Variants in ZG16B observed in about 807,000 individuals in gnomAD.
The protein encoded by ZG16B is zymogen granule protein 16B.
In ZG16B, 8 loss-of-function variants were observed where a neutral mutation model predicts 7.0. That is an observed-to-expected ratio of 1.15 (90% CI 0.68 to 2.08). The LOEUF (loss-of-function observed/expected upper bound fraction) is 2.08. Among genes scored for constraint, ZG16B ranks in the 30% most tolerant of loss-of-function variants. ZG16B has a pLI of 0.00. For missense variants in ZG16B, 232 were observed against 211.0 expected, an observed-to-expected ratio of 1.10 and a Z score of -0.62; for synonymous variants, 92 against 86.1, an observed-to-expected ratio of 1.07 and a Z score of -0.38.
At position 2,830,679 on chromosome 16, in the gene ZG16B, C is replaced by A; in HGVS notation, c.53-15C>A. 6.2e-7 allele frequency: 1 copy of A among 1,614,008 alleles called. No individual in the cohort carries two copies. The highest frequency in any genetic ancestry group is 1.1e-5 in the South Asian group (1 of 91,052). ...CATGGGGATTTTCTTCCCTTTGGGT[C>A]TCTCTTTTCTTCAGAGATGTATGGC... On this transcript the variant is annotated splice_polypyrimidine_tract_variant and intron_variant, in intron 2 of 3. Transcript: ENST00000382280.
Position 2,830,504 on chromosome 16 carries a change from G to C in ZG16B, c.52+11G>C. On this transcript the variant is annotated intron_variant, in intron 2 of 3. Coordinates refer to ENST00000382280, the MANE Select transcript of ZG16B (RefSeq NM_145252.3). The stretch of plus-strand genomic sequence containing the variant: ...CCACCTGGGCAGGGAGTAAGTCAGT[G>C]GGGTCTGCCCTCAATCTCCCCTGCC... 6.3e-7 allele frequency: 1 copy of C among 1,596,128 alleles called. No homozygotes were observed. Among genetic ancestry groups the C allele is most frequent in the Non-Finnish European group, 8.5e-7 (1 of 1,171,424 alleles).
rs2069250557 is a variant in ZG16B, at chr16:2,830,810, T to C, written c.155+14T>C. Reference sequence around the variant, plus strand: ...CCTGGTGAAAAGGTGAGTAGGGCTATGGTCATGGGCCCAGCGCCATGTCCC... The same window carrying C: ...CCTGGTGAAAAGGTGAGTAGGGCTACGGTCATGGGCCCAGCGCCATGTCCC... On this transcript the variant is annotated intron_variant, in intron 3 of 3. Transcript: ENST00000382280. 1 of 1,613,314 alleles carries C rather than the reference T, an allele frequency of 6.2e-7. No individual in the cohort carries two copies.
chr16:2,831,511 G>A (rs988607798), intron 3 of ZG16B, among the ~76,000 whole-genome samples: 5 of 152,214 alleles, frequency 3.3e-5, no homozygotes, highest in Non-Finnish European at 5.9e-5. Flanking sequence ...GAGACCTGGC[G>A]CTGCACGCAG....
intron 3 of ZG16B, 121 bp from the exon 4 acceptor site, chr16:2,831,675 G>A: frequency 2.8e-6 from 4 of 1,440,288 alleles, no homozygotes; most frequent in Non-Finnish European, 3.7e-6. Context: ...CTGTGTCAGG[G>A]ACCCAAAGTC....
chr16:2,830,375 C>A (rs2069245197), intron 1 of ZG16B, 40 bp from the exon 2 acceptor site: 5 of 1,607,252 alleles, frequency 3.1e-6, no homozygotes, highest in Non-Finnish European at 4.2e-6. Flanking sequence ...GTCACACTGG[C>A]CCTTGCTTTG....
In ZG16B at chr16:2,831,911, C is replaced by T. The variant is rs200195326; in HGVS notation, c.271C>T (p.Gln91Ter). The change falls in exon 4 of 4, where the codon CAA becomes TAA. Residue 91 changes from glutamine to a stop codon, truncating the protein, a stop_gained. Coordinates refer to ENST00000382280, the MANE Select transcript of ZG16B (RefSeq NM_145252.3). LOFTEE classifies it low-confidence loss of function (END_TRUNC). ...CATCACAAAAGTCTTTGTCGCCTTC[C>T]AAGCTTTCCTCCGGGGTATGGTCAT... ...EYITKVFVAF[Q>*]AFLRGMVMYT... 1 of 1,614,028 alleles carries T rather than the reference C, an allele frequency of 6.2e-7. No homozygotes were observed. The highest frequency in any genetic ancestry group is 1.3e-5 in the African/African-American group (1 of 74,906).
Position 2,831,783 on chromosome 16 carries a change from G to T in ZG16B, c.156-13G>T. The stretch of plus-strand genomic sequence containing the variant: ...CCCAGATCTGGACGTCCAAAGCTTT[G>T]CCTCTCTCCCAGTGTCCAGGTGAAA... On this transcript the variant is annotated splice_polypyrimidine_tract_variant and intron_variant, in intron 3 of 3. Coordinates refer to ENST00000382280, the MANE Select transcript of ZG16B (RefSeq NM_145252.3). 6.2e-7 allele frequency: 1 copy of T among 1,604,316 alleles called. No homozygotes were observed.
rs201239142 is a variant in ZG16B, at chr16:2,830,785, C to A, written c.144C>A (p.Leu48=). Residue 48 remains leucine (L), a synonymous_variant, in exon 3 of 4, where the codon CTC becomes CTA. Coordinates refer to ENST00000382280, the MANE Select transcript of ZG16B (RefSeq NM_145252.3). ...ITGLRVSVGL[L]LVKSVQVKLG... ...GGCTGCGGGTGTCTGTAGGTCTTCT[C>A]CTGGTGAAAAGGTGAGTAGGGCTAT... The A allele has an allele frequency of 1.2e-6, 2 of 1,609,534 alleles. No homozygotes were observed. The highest frequency in any genetic ancestry group is 1.7e-6 in the Non-Finnish European group (2 of 1,179,564).
intron 3 of ZG16B, chr16:2,831,323 T>G (rs903009819): frequency 1.0e-5 from 2 of 191,956 alleles, no homozygotes; most frequent in South Asian, 1.0e-4. Flanking sequence ...AGCACCAGGG[T>G]GAGGGAGGGG....
At position 2,831,923 on chromosome 16, in the gene ZG16B, C is replaced by A; in HGVS notation, c.283C>A (p.Arg95=). 1 of 1,614,086 alleles carries A rather than the reference C, an allele frequency of 6.2e-7. No homozygotes were observed. The highest frequency in any genetic ancestry group is 1.1e-5 in the South Asian group (1 of 91,076). Reference sequence around the variant, plus strand: ...CTTTGTCGCCTTCCAAGCTTTCCTCCGGGGTATGGTCATGTACACCAGCAA... The same window carrying A: ...CTTTGTCGCCTTCCAAGCTTTCCTCAGGGGTATGGTCATGTACACCAGCAA... ...KVFVAFQAFL[R]GMVMYTSKDR... is the part of the protein sequence containing the mutation. The change falls in exon 4 of 4, where the codon CGG becomes AGG. Residue 95 remains arginine (R), a synonymous_variant. Coordinates refer to ENST00000382280, the MANE Select transcript of ZG16B (RefSeq NM_145252.3).
Position 2,831,815 on chromosome 16 carries a change from G to A in ZG16B, c.175G>A (p.Asp59Asn). The A allele has an allele frequency of 6.2e-7, 1 of 1,612,478 alleles. No homozygotes were observed. Among genetic ancestry groups the A allele is most frequent in the South Asian group, 1.1e-5 (1 of 91,026 alleles). The change falls in exon 4 of 4, where the codon GAC becomes AAC. Residue 59 changes from aspartate to asparagine, a missense_variant. Asp to Asn is a conservative substitution (Grantham distance 23). Transcript: ENST00000382280. Reference protein sequence around the residue: ...LVKSVQVKLGDSWDVKLGALG... With the variant: ...LVKSVQVKLGNSWDVKLGALG... ...TCCCAGTGTCCAGGTGAAACTTGGA[G>A]ACTCCTGGGACGTGAAACTGGGAGC...
Position 2,830,413 on chromosome 16 carries a change from A to AG in ZG16B, c.-27-1dup. ...GTCAGGAGGCCTCTCTTCTTCCCAC[A>AG]GAGCCCTGGGATGCACCGGCCAGAG... On this transcript the variant is annotated splice_acceptor_variant, in intron 1 of 3. Transcript: ENST00000382280. LOFTEE classifies it low-confidence loss of function (5UTR_SPLICE). The AG allele has an allele frequency of 6.2e-7, 1 of 1,604,004 alleles. No homozygotes were observed.
Position 2,832,045 on chromosome 16 carries a change from T to C in ZG16B, c.405T>C (p.Tyr135=), listed in dbSNP as rs1047838742. The change falls in exon 4 of 4, where the codon TAT becomes TAC. Residue 135 remains tyrosine, a synonymous_variant. Coordinates refer to ENST00000382280, the MANE Select transcript of ZG16B (RefSeq NM_145252.3). ...GQVLVGIYGQ[Y]QLLGIKSIGF... ...TGCTGGTGGGCATCTATGGCCAGTA[T>C]CAACTCCTTGGCATCAAGAGCATTG... 1.2e-6 allele frequency: 2 copies of C among 1,614,028 alleles called. No homozygotes were observed. The highest frequency in any genetic ancestry group is 2.7e-5 in the African/African-American group (2 of 74,918).
chr16:2,830,581 G>A (rs751522723), intron 2 of ZG16B, 88 bp downstream of exon 2: 2 of 1,582,374 alleles, frequency 1.3e-6, no homozygotes, highest in Admixed American at 1.7e-5. Context: ...GACTAACTCT[G>A]GTCACAGAAC....
At chr16:2,830,955 C>G in intron 3 of ZG16B, 159 bp downstream of exon 3, 3 of 721,424 alleles carry the variant, frequency 4.2e-6, no homozygotes, top group South Asian at 3.6e-5. Context: ...CTGGCTGGAG[C>G]GGAGACGGTC....
rs749515673 is a variant in ZG16B at position 2,831,795 on chromosome 16, G to C, written c.156-1G>C. On this transcript the variant is annotated splice_acceptor_variant, in intron 3 of 3. Coordinates refer to ENST00000382280, the MANE Select transcript of ZG16B (RefSeq NM_145252.3). LOFTEE classifies it high-confidence loss of function. ...CGTCCAAAGCTTTGCCTCTCTCCCA[G>C]TGTCCAGGTGAAACTTGGAGACTCC... 3 of 1,609,238 alleles carry C rather than the reference G, an allele frequency of 1.9e-6. No individual in the cohort carries two copies. The African/African-American group carries it at 4.0e-5, about 21-fold the overall frequency.
rs929596861 is a variant in ZG16B, at chr16:2,830,879, C to A, written c.155+83C>A. On this transcript the variant is annotated intron_variant, in intron 3 of 3. Transcript: ENST00000382280. ...AGGAACTCAGGGCAGGGGGTAAGCA[C>A]CCGTGGCCACTTTTGCCACACATGC... The A allele has an allele frequency of 7.6e-6, 11 of 1,446,490 alleles. No homozygotes were observed. In the African/African-American group the frequency reaches 1.3e-4, roughly 17 times the overall value. 89.6% of individuals were successfully genotyped at this position (1,446,490 alleles called of 1,614,324 possible). A position where few individuals can be genotyped will look rare whatever the true frequency, so the allele number is the denominator to read the frequency against.
At position 2,831,809 on chromosome 16, in the gene ZG16B, C is replaced by T. The variant is rs772588067; in HGVS notation, c.169C>T (p.Leu57Phe). ...LLLVKSVQVK[L>F]GDSWDVKLGA... Reference sequence around the variant, plus strand: ...CCTCTCTCCCAGTGTCCAGGTGAAACTTGGAGACTCCTGGGACGTGAAACT... The same window carrying T: ...CCTCTCTCCCAGTGTCCAGGTGAAATTTGGAGACTCCTGGGACGTGAAACT... Residue 57 changes from leucine to phenylalanine, a missense_variant, in exon 4 of 4, where the codon CTT becomes TTT. Physicochemically the swap from Leu to Phe is conservative, Grantham distance 22. Transcript: ENST00000382280. 7.4e-6 allele frequency: 12 copies of T among 1,612,150 alleles called. No individual in the cohort carries two copies. In the East Asian group the frequency reaches 1.8e-4, roughly 24 times the overall value.
Position 2,832,266 on chromosome 16 carries a change from G to C in ZG16B, c.*107G>C, listed in dbSNP as rs886953. 1,045,095 of 1,483,510 alleles carry C rather than the reference G, an allele frequency of 0.7. 369,931 individuals are homozygous for C. The highest frequency in any genetic ancestry group is 0.9 in the African/African-American group (64,337 of 71,454). The allele number at this position is 1,483,510 out of a possible 1,614,324, so 91.9% of individuals were successfully genotyped here. A position where few individuals can be genotyped will look rare whatever the true frequency, so the allele number is the denominator to read the frequency against. On this transcript the variant is annotated 3_prime_UTR_variant, in exon 4 of 4. Coordinates refer to ENST00000382280, the MANE Select transcript of ZG16B (RefSeq NM_145252.3). Reference sequence around the variant, plus strand: ...AATCTGAATCCACCAATAAATAAAGGTTCTGCAGAATCAGTGCATCCAGGA... The same window carrying C: ...AATCTGAATCCACCAATAAATAAAGCTTCTGCAGAATCAGTGCATCCAGGA...
Sources: allele counts gnomAD v4.1 joint callset (sites outside exome capture counted in the v4.1 genomes callset), GRCh38; gene constraint gnomAD v4.1.1; transcripts MANE v1.5; gene names NCBI Gene and HGNC (gene_info 2026-07-23, HGNC 2026-07-21).